DENND3: variants seen among roughly 807,000 people sequenced by gnomAD.
DENND3 encodes the protein DENN domain containing 3.
In DENND3, 88 loss-of-function variants were observed where a neutral mutation model predicts 135.1. The ratio of observed to expected loss-of-function variants is 0.65; its 90% CI spans 0.55 to 0.78. DENND3 has a LOEUF of 0.78. DENND3 is among the 30% of genes least tolerant of loss of function. DENND3 has a pLI of 0.00. For synonymous variants in DENND3, 693 were observed against 712.3 expected, an observed-to-expected ratio of 0.97 and a Z score of 0.43; for missense variants, 1,392 against 1,688.4, an observed-to-expected ratio of 0.82 and a Z score of 3.08.
intron 13 of DENND3, among the ~76,000 whole-genome samples, chr8:141,170,937 C>T (rs537821528): frequency 1.6e-4 from 24 of 152,218 alleles, no homozygotes; most frequent in Non-Finnish European, 2.8e-4. Context: ...CCCCCACCCC[C>T]GCCACACAGT....
chr8:141,158,181 T>C (rs1380246549), intron 8 of DENND3: 2 of 1,289,450 alleles, frequency 1.6e-6, no homozygotes, highest in East Asian at 5.6e-5. Context: ...ATCGCTGGGC[T>C]CTCCTCCCCA....
intron 20 of DENND3, chr8:141,192,042 T>G (rs770315507): frequency 6.6e-5 from 22 of 334,346 alleles, no homozygotes; most frequent in Non-Finnish European, 1.1e-4. Context: ...ATACATTCTT[T>G]AAGATTTTTG....
Position 141,141,148 on chromosome 8 carries a change from A to C in DENND3, c.502-55A>C. Reference sequence around the variant, plus strand: ...TGAAACGTGACCCAGTTGGAAACAGATACTGGAATTGCCAAGGTGGGGAGG... The same window carrying C: ...TGAAACGTGACCCAGTTGGAAACAGCTACTGGAATTGCCAAGGTGGGGAGG... On this transcript the variant is annotated intron_variant, in intron 3 of 22. Transcript: ENST00000519811. The surrounding 1 kb of genome is among the most constrained non-coding windows in gnomAD (Gnocchi z 5.3). 14 of 1,612,818 alleles carry C rather than the reference A, an allele frequency of 8.7e-6. No homozygotes were observed. Among genetic ancestry groups the C allele is most frequent in the Non-Finnish European group, 1.2e-5 (14 of 1,179,344 alleles).
intron 4 of DENND3, chr8:141,142,352 A>G (rs765032000): frequency 3.1e-5 from 14 of 456,622 alleles, no homozygotes; most frequent in Non-Finnish European, 5.3e-5. Context: ...CATGCTGGAG[A>G]ATGAGCCACG....
chr8:141,163,255 T>C, intron 9 of DENND3, 78 bp from the exon 10 acceptor site: 1 of 783,944 alleles, frequency 1.3e-6, no homozygotes. Flanking sequence ...TTCTAACCAT[T>C]TCTCTGCTAC....
Position 141,144,008 on chromosome 8 carries a change from G to A in DENND3, c.624-140G>A. 1 of 658,460 alleles carries A rather than the reference G, an allele frequency of 1.5e-6. No homozygotes were observed. Among genetic ancestry groups the A allele is most frequent in the Non-Finnish European group, 2.5e-6 (1 of 394,312 alleles). 40.8% of individuals were successfully genotyped at this position (658,460 alleles called of 1,614,324 possible). A position where few individuals can be genotyped will look rare whatever the true frequency, so the allele number is the denominator to read the frequency against. On this transcript the variant is annotated intron_variant, in intron 4 of 22. Coordinates refer to ENST00000519811, the MANE Select transcript of DENND3 (RefSeq NM_001352890.3). The surrounding 1 kb of genome is among the most constrained non-coding windows in gnomAD (Gnocchi z 4.4). ...CCACTCTGCTGTCACCCAGCAGCTT[G>A]GTGACTTTGCTTTTGGTGAAAGGTC...
Position 141,182,347 on chromosome 8 carries a change from C to A in DENND3, c.2944+1493C>A. 2.0e-6 allele frequency: 2 copies of A among 985,430 alleles called. No homozygotes were observed. Among genetic ancestry groups the A allele is most frequent in the Non-Finnish European group, 1.2e-6 (1 of 829,920 alleles). The allele number at this position is 985,430 out of a possible 1,614,324, so 61.0% of individuals were successfully genotyped here. ...CCAAGAAACCCAGGAACGCGATAGA[C>A]CCTGGCTGAGTGAGCAGGCAGCGTC... On this transcript the variant is annotated intron_variant, in intron 17 of 22. Coordinates refer to ENST00000519811, the MANE Select transcript of DENND3 (RefSeq NM_001352890.3). This position sits in a 1 kb window ranked among gnomAD's most constrained non-coding sequence, Gnocchi z 5.9.
intron 13 of DENND3, among the ~76,000 whole-genome samples, chr8:141,171,021 C>T (rs771591796): frequency 8.5e-5 from 13 of 152,106 alleles, no homozygotes; most frequent in African/African-American, 1.4e-4. Context: ...GGGAAGGGTG[C>T]GTGGGCCCTG....
intron 4 of DENND3, among the ~76,000 whole-genome samples, chr8:141,143,547 G>A (rs1817716159): frequency 6.6e-6 from 1 of 152,090 alleles, no homozygotes; most frequent in Non-Finnish European, 1.5e-5. Context: ...TGGGACTACA[G>A]GCGCACACCA....
intron 7 of DENND3, among the ~76,000 whole-genome samples, chr8:141,153,579 TGGGCCCGGCCAGGGTCCCCGCTGCGGG>T (rs1255626067): frequency 1.3e-5 from 2 of 152,202 alleles, no homozygotes; most frequent in African/African-American, 2.4e-5. Flanking sequence ...GCCCGTTGGC[TGGGCCCGGCCAGGGTCCCCGCTGCGGG>T]GGAGAACAGT....
chr8:141,187,673 C>T (rs1824077616), intron 18 of DENND3, among the ~76,000 whole-genome samples: 1 of 151,902 alleles, frequency 6.6e-6, no homozygotes, highest in Non-Finnish European at 1.5e-5. Context: ...TCTTGAGATA[C>T]CTGAATAGCA....
chr8:141,139,248 C>T lies in DENND3; in HGVS notation c.501+1111C>T, dbSNP rs1177353184. Among the ~76,000 whole-genome samples the T allele has an allele frequency of 1.3e-5, 2 of 152,154 alleles. No homozygotes were observed. The highest frequency in any genetic ancestry group is 4.8e-5 in the African/African-American group (2 of 41,426). ...ACGTGTTTTTGTTGGTAGAAGCGTG[C>T]TTACACATGTGACATTGAGTGTTGG... is the stretch of plus-strand genomic sequence containing the variant. On this transcript the variant is annotated intron_variant, in intron 3 of 22. Transcript: ENST00000519811. The surrounding 1 kb of genome is among the most constrained non-coding windows in gnomAD (Gnocchi z 4.2).
rs915409878 is a variant in DENND3 at position 141,167,861 on chromosome 8, G to A, written c.1754-143G>A. On this transcript the variant is annotated intron_variant, in intron 12 of 22. Coordinates refer to ENST00000519811, the MANE Select transcript of DENND3 (RefSeq NM_001352890.3). This position sits in a 1 kb window ranked among gnomAD's most constrained non-coding sequence, Gnocchi z 4.1. Reference sequence around the variant, plus strand: ...ATGCCTCCCAGGGGGGTGGGTGTGTGGAGCTTTCTGGAGGGAGCACACCCA... The same window carrying A: ...ATGCCTCCCAGGGGGGTGGGTGTGTAGAGCTTTCTGGAGGGAGCACACCCA... 104 of 1,200,702 alleles carry A rather than the reference G, an allele frequency of 8.7e-5. No homozygotes were observed. The highest frequency in any genetic ancestry group is 2.0e-5 in the Non-Finnish European group (17 of 864,092). 74.4% of individuals were successfully genotyped at this position (1,200,702 alleles called of 1,614,324 possible).
intron 18 of DENND3, among the ~76,000 whole-genome samples, chr8:141,187,518 G>A (rs185726533): frequency 1.3e-5 from 2 of 152,112 alleles, no homozygotes; most frequent in South Asian, 2.1e-4. Context: ...GAGCCACTGC[G>A]CCCGGCCATG....
chr8:141,175,176 C>G lies in DENND3; in HGVS notation c.2276-24C>G, dbSNP rs1278914435. 1.9e-6 allele frequency: 3 copies of G among 1,600,768 alleles called. No homozygotes were observed. In the African/African-American group the frequency reaches 4.0e-5, roughly 22 times the overall value. On this transcript the variant is annotated intron_variant, in intron 13 of 22. Coordinates refer to ENST00000519811, the MANE Select transcript of DENND3 (RefSeq NM_001352890.3). The surrounding 1 kb of genome is among the most constrained non-coding windows in gnomAD (Gnocchi z 5.4). ...CGAGGTATGTGGCTGTAAGATACCT[C>G]TCTTTTCTTCTTATCAAACTAAGGA... is the stretch of plus-strand genomic sequence containing the variant.
intron 18 of DENND3, chr8:141,185,603 T>C (rs1589708952): frequency 4.6e-6 from 1 of 218,620 alleles, no homozygotes; most frequent in Non-Finnish European, 9.4e-6. Context: ...GGTGGGTGGA[T>C]TGCCTTGAGC....
rs1823209531 is a variant in DENND3 at position 141,182,061 on chromosome 8, G to A, written c.2944+1207G>A. 6.6e-6 allele frequency among the ~76,000 whole-genome samples: 1 copy of A among 152,182 alleles called. No homozygotes were observed. The highest frequency in any genetic ancestry group is 1.5e-5 in the Non-Finnish European group (1 of 68,028). On this transcript the variant is annotated intron_variant, in intron 17 of 22. Transcript: ENST00000519811. This position sits in a 1 kb window ranked among gnomAD's most constrained non-coding sequence, Gnocchi z 5.9. ...CCTCTCCACCTTGGCCTCCCGAAGC[G>A]CTGGGATTACAGGTGTGAGCCACTG...
chr8:141,146,735 C>T lies in DENND3; in HGVS notation c.735+2476C>T, dbSNP rs1818194190. Among the ~76,000 whole-genome samples, 1 of 152,208 alleles carries T rather than the reference C, an allele frequency of 6.6e-6. No homozygotes were observed. The highest frequency in any genetic ancestry group is 2.1e-4 in the South Asian group (1 of 4,830). ...GCCGGTGCATTCCAGTCCAGATACG[C>T]AGCAGGCCACCCGTCTCTGTCAGCT... On this transcript the variant is annotated intron_variant, in intron 5 of 22. Transcript: ENST00000519811. This position sits in a 1 kb window ranked among gnomAD's most constrained non-coding sequence, Gnocchi z 4.3.
At position 141,128,608 on chromosome 8, in the gene DENND3, C is replaced by T. The variant is rs966168194; in HGVS notation, c.-100C>T. Reference sequence around the variant, plus strand: ...CGCCCCGCAGACGGCGCTCGCAGCGCCCCCGGCCCCCAGGCGGCGCGGCTG... The same window carrying T: ...CGCCCCGCAGACGGCGCTCGCAGCGTCCCCGGCCCCCAGGCGGCGCGGCTG... On this transcript the variant is annotated 5_prime_UTR_variant, in exon 1 of 23. Coordinates refer to ENST00000519811, the MANE Select transcript of DENND3 (RefSeq NM_001352890.3). This position sits in a 1 kb window ranked among gnomAD's most constrained non-coding sequence, Gnocchi z 4.5. 3.4e-5 allele frequency: 22 copies of T among 649,584 alleles called. No individual in the cohort carries two copies. Among genetic ancestry groups the T allele is most frequent in the Admixed American group, 5.1e-5 (1 of 19,592 alleles). The allele number at this position is 649,584 out of a possible 1,614,324, so 40.2% of individuals were successfully genotyped here. A position where few individuals can be genotyped will look rare whatever the true frequency, so the allele number is the denominator to read the frequency against.
Sources: allele counts gnomAD v4.1 joint callset (sites outside exome capture counted in the v4.1 genomes callset), GRCh38; gene constraint gnomAD v4.1.1; non-coding constraint Gnocchi (gnomAD v3.1); transcripts MANE v1.5; gene names NCBI Gene and HGNC (gene_info 2026-07-23, HGNC 2026-07-21).